The following PGBD2 variants were observed in gnomAD, a reference collection of about 807,000 sequenced individuals.
PGBD2 encodes the protein piggyBac transposable element-derived protein 2.
A neutral mutation model predicts 8.1 loss-of-function variants in PGBD2; 6 were observed. The ratio of observed to expected loss-of-function variants is 0.74; its 90% CI spans 0.40 to 1.46. The LOEUF (loss-of-function observed/expected upper bound fraction) is 1.46, where lower values mean the gene tolerates loss of function less well. Among genes scored for constraint, PGBD2 ranks in the 40% most tolerant of loss-of-function variants. PGBD2 has a pLI of 0.02. For synonymous variants in PGBD2, 318 were observed against 272.2 expected (o/e 1.17, Z -1.66); for missense variants, 802 against 739.0 (o/e 1.09, Z -0.99).
At chr1:248,892,433 T>G in the PGBD2 span, among the ~76,000 whole-genome samples, 2 of 151,098 alleles carry the variant, frequency 1.3e-5, no homozygotes, top group African/African-American at 4.9e-5. Flanking sequence ...TACAGGACAA[T>G]AAAGGAGGCA....
chr1:248,882,089 G>T, the PGBD2 span, among the ~76,000 whole-genome samples: 4 of 152,106 alleles, frequency 2.6e-5, no homozygotes, highest in African/African-American at 9.7e-5. Flanking sequence ...ATGCAATGGG[G>T]CTCTCTCTTT....
At position 248,918,369 on chromosome 1, in the gene PGBD2, T is replaced by C; in HGVS notation, c.*6T>C. On this transcript the variant is annotated 3_prime_UTR_variant, in exon 3 of 3. Coordinates refer to ENST00000329291, the MANE Select transcript of PGBD2 (RefSeq NM_170725.3). Reference sequence around the variant, plus strand: ...GGGAGTACCACATCCGGTGACATCATGAGACATGCTTCTTTGGTTTATAAT... The same window carrying C: ...GGGAGTACCACATCCGGTGACATCACGAGACATGCTTCTTTGGTTTATAAT... The C allele has an allele frequency of 6.5e-7, 1 of 1,529,350 alleles. No individual in the cohort carries two copies. Among genetic ancestry groups the C allele is most frequent in the Non-Finnish European group, 8.8e-7 (1 of 1,140,012 alleles). 94.7% of individuals were successfully genotyped at this position (1,529,350 alleles called of 1,614,324 possible). A position where few individuals can be genotyped will look rare whatever the true frequency, so the allele number is the denominator to read the frequency against.
intron 2 of PGBD2, among the ~76,000 whole-genome samples, chr1:248,914,223 C>T (rs1462490521): frequency 6.6e-6 from 1 of 152,156 alleles, no homozygotes. Flanking sequence ...CAGTCATGTG[C>T]AGAAGTTGTT....
chr1:248,900,024 A>G, the PGBD2 span, among the ~76,000 whole-genome samples: 1 of 151,440 alleles, frequency 6.6e-6, no homozygotes, highest in Non-Finnish European at 1.5e-5. Context: ...CCCAAGACTG[A>G]ACCAGGAAGA....
chr1:248,874,024 T>C, the PGBD2 span, among the ~76,000 whole-genome samples: 2 of 152,142 alleles, frequency 1.3e-5, no homozygotes, highest in East Asian at 1.9e-4. Context: ...AGTCCGTTGG[T>C]ATTTTATTGT....
At chr1:248,893,055 C>G in the PGBD2 span, among the ~76,000 whole-genome samples, 2 of 152,170 alleles carry the variant, frequency 1.3e-5, no homozygotes, top group Non-Finnish European at 2.9e-5. Flanking sequence ...TACCTTTGGT[C>G]ATTTATTTTT....
rs760357439 is a variant in PGBD2, at chr1:248,917,795, AGAGT to A, written c.1215_1218del (p.Ser405ArgfsTer23). The A allele has an allele frequency of 1.2e-6, 2 of 1,614,236 alleles. No homozygotes were observed. Among genetic ancestry groups the A allele is most frequent in the African/African-American group, 1.3e-5 (1 of 75,050 alleles). ...GGTTCATTTGATTACAAAGTCGATG[AGAGT>A]GAGGAGATCATCGTGTGCCGCTGGC... On this transcript the variant is annotated frameshift_variant, in exon 3 of 3. Transcript: ENST00000329291. LOFTEE classifies it low-confidence loss of function (END_TRUNC).
chr1:248,897,728 C>T, the PGBD2 span, among the ~76,000 whole-genome samples: 1 of 152,184 alleles, frequency 6.6e-6, no homozygotes, highest in Admixed American at 6.5e-5. Context: ...ACCCAAGGGG[C>T]ATCTTTCAGT....
At chr1:248,921,085 T>C (rs966104063), downstream of PGBD2, among the ~76,000 whole-genome samples, 1 of 152,184 alleles carries the variant, frequency 6.6e-6, no homozygotes, top group Admixed American at 6.5e-5. Flanking sequence ...TCCCGTTCTG[T>C]AGGTTGCCTG....
intron 2 of PGBD2, among the ~76,000 whole-genome samples, chr1:248,915,336 T>G (rs1662058375): frequency 6.6e-6 from 1 of 152,220 alleles, no homozygotes; most frequent in Admixed American, 6.5e-5. Context: ...CCAGATACAT[T>G]CTGTAGAAAC....
the PGBD2 span, among the ~76,000 whole-genome samples, chr1:248,876,074 T>G: frequency 6.6e-6 from 1 of 151,832 alleles, no homozygotes; most frequent in Admixed American, 6.6e-5. Context: ...AATGGTGTGA[T>G]CTTGGCTCAC....
At chr1:248,912,193 C>T (rs1417603620) in intron 1 of PGBD2, among the ~76,000 whole-genome samples, 1 of 152,126 alleles carries the variant, frequency 6.6e-6, no homozygotes, top group Non-Finnish European at 1.5e-5. Context: ...TAATTAATTT[C>T]TGTGAGCTCT....
chr1:248,918,780 TAATC>T lies in PGBD2; in HGVS notation c.*419_*422del. Reference sequence around the variant, plus strand: ...TATCATGTAAATGTGATGGATTTCTTAATCATATTTATTTCATATTAATCCAAGT... The same window carrying T: ...TATCATGTAAATGTGATGGATTTCTTATATTTATTTCATATTAATCCAAGT... On this transcript the variant is annotated 3_prime_UTR_variant, in exon 3 of 3. Transcript: ENST00000329291. 6.0e-6 allele frequency: 1 copy of T among 167,210 alleles called. No individual in the cohort carries two copies. Among genetic ancestry groups the T allele is most frequent in the Non-Finnish European group, 1.5e-5 (1 of 68,130 alleles). 10.4% of individuals were successfully genotyped at this position (167,210 alleles called of 1,614,324 possible). A position where few individuals can be genotyped will look rare whatever the true frequency, so the allele number is the denominator to read the frequency against.
At chr1:248,903,344 G>A (rs1661566001), upstream of PGBD2, among the ~76,000 whole-genome samples, 1 of 151,562 alleles carries the variant, frequency 6.6e-6, no homozygotes, top group Non-Finnish European at 1.5e-5. Flanking sequence ...GGCTACAGGT[G>A]TGTACCATCA....
intron 1 of PGBD2, among the ~76,000 whole-genome samples, chr1:248,913,596 C>T (rs1661987373): frequency 6.6e-6 from 1 of 152,200 alleles, no homozygotes; most frequent in Non-Finnish European, 1.5e-5. Context: ...AGGGAAGACT[C>T]ATCTAGCCCC....
chr1:248,893,479 G>A, the PGBD2 span, among the ~76,000 whole-genome samples: 5 of 152,252 alleles, frequency 3.3e-5, no homozygotes, highest in East Asian at 3.9e-4. Flanking sequence ...AGTATCTGTC[G>A]TACTGTAACT....
At chr1:248,914,790 C>T (rs962279295) in intron 2 of PGBD2, among the ~76,000 whole-genome samples, 1 of 152,214 alleles carries the variant, frequency 6.6e-6, no homozygotes, top group Non-Finnish European at 1.5e-5. Flanking sequence ...CTACGTATGG[C>T]AGCTGAACAC....
the PGBD2 span, among the ~76,000 whole-genome samples, chr1:248,875,376 A>G: frequency 5.9e-5 from 9 of 151,886 alleles, no homozygotes; most frequent in East Asian, 1.7e-3. Context: ...CTGTCCCCCC[A>G]ACTTGAAAGT....
the PGBD2 span, among the ~76,000 whole-genome samples, chr1:248,877,429 T>G: frequency 6.6e-6 from 1 of 152,178 alleles, no homozygotes; most frequent in Non-Finnish European, 1.5e-5. Flanking sequence ...CACCAGCGGC[T>G]GGGACTACAA....
Sources: allele counts gnomAD v4.1 joint callset (sites outside exome capture counted in the v4.1 genomes callset), GRCh38; gene constraint gnomAD v4.1.1; transcripts MANE v1.5; gene names NCBI Gene and HGNC (gene_info 2026-07-23, HGNC 2026-07-21).